The following TMEM114 variants were observed in gnomAD, a reference collection of about 807,000 sequenced individuals.
The protein encoded by TMEM114 is claudin-26.
A neutral mutation model predicts 6.2 loss-of-function variants in TMEM114; 6 were observed. The ratio of observed to expected loss-of-function variants is 0.97; its 90% CI spans 0.53 to 1.91. The LOEUF is 1.91. TMEM114 is among the 40% of genes most tolerant of loss of function. TMEM114 has a pLI of 0.01. For synonymous variants in TMEM114, 104 were observed against 73.0 expected (o/e 1.42, Z -2.16); for missense variants, 218 against 158.3 (o/e 1.38, Z -2.02).
chr16:8,572,406 ATCTCG>A, intron 2 of TMEM114, 182 bp from the exon 3 acceptor site: 1 of 682,486 alleles, frequency 1.5e-6, no homozygotes, highest in Non-Finnish European at 2.5e-6. Context: ...GTTGAGGCTC[ATCTCG>A]TGCAAGGCTG....
chr16:8,543,150 G>T (rs1462079303), intron 2 of TMEM114, among the ~76,000 whole-genome samples: 2 of 152,198 alleles, frequency 1.3e-5, no homozygotes, highest in Non-Finnish European at 2.9e-5. Flanking sequence ...TGGCCTCATA[G>T]CAAAGAAACT....
At chr16:8,540,615 A>AACAGGTGAAGTAGAAC (rs71396280) in intron 2 of TMEM114, among the ~76,000 whole-genome samples, 1 of 152,022 alleles carries the variant, frequency 6.6e-6, no homozygotes, top group African/African-American at 2.4e-5. Flanking sequence ...GGTGAAGTAG[A>AACAGGTGAAGTAGAAC]ATTCAATTCA....
chr16:8,552,177 C>G (rs1405696369), intron 2 of TMEM114, among the ~76,000 whole-genome samples: 2 of 151,566 alleles, frequency 1.3e-5, no homozygotes, highest in African/African-American at 4.9e-5. Context: ...GAATTTGAGA[C>G]CAGCCTGGGC....
intron 2 of TMEM114, among the ~76,000 whole-genome samples, chr16:8,541,003 G>A (rs927110351): frequency 6.6e-6 from 1 of 152,190 alleles, no homozygotes; most frequent in Non-Finnish European, 1.5e-5. Context: ...AGAGTTGCCA[G>A]AGAGAGACTA....
intron 2 of TMEM114, among the ~76,000 whole-genome samples, chr16:8,545,726 T>C (rs1314713291): frequency 6.6e-6 from 1 of 152,198 alleles, no homozygotes; most frequent in Non-Finnish European, 1.5e-5. Flanking sequence ...AGCTATCTTA[T>C]CTCCCTTCTC....
chr16:8,527,044 C>G, the TMEM114 span, among the ~76,000 whole-genome samples: 1 of 152,150 alleles, frequency 6.6e-6, no homozygotes, highest in Non-Finnish European at 1.5e-5. Context: ...CCCAACTCTG[C>G]TAAACATAGC....
chr16:8,530,797 A>G, the TMEM114 span, among the ~76,000 whole-genome samples: 1 of 152,046 alleles, frequency 6.6e-6, no homozygotes, highest in Admixed American at 6.6e-5. Flanking sequence ...GCCGAGTCAG[A>G]TGAATTGCTT....
At chr16:8,580,495 T>TA (rs560742507) in intron 2 of TMEM114, among the ~76,000 whole-genome samples, 2,084 of 98,164 alleles carry the variant, frequency 0.021, 47 homozygotes, top group African/African-American at 0.066. Flanking sequence ...TCAAAAGAGG[T>TA]AAAAAAAAAA....
At chr16:8,526,859 C>T in the TMEM114 span, among the ~76,000 whole-genome samples, 5 of 152,190 alleles carry the variant, frequency 3.3e-5, no homozygotes, top group Non-Finnish European at 7.3e-5. Context: ...TGGTGCTTTC[C>T]CACCAACCCA....
At chr16:8,532,541 C>G in the TMEM114 span, among the ~76,000 whole-genome samples, 4 of 152,168 alleles carry the variant, frequency 2.6e-5, no homozygotes, top group Non-Finnish European at 5.9e-5. Context: ...AAATTACATT[C>G]TAGGGGTCCA....
In TMEM114 at chr16:8,589,795, G is replaced by C. The variant is rs1185820627; in HGVS notation, c.44C>G (p.Thr15Ser). Residue 15 changes from threonine to serine, a missense_variant, in exon 1 of 4, where the codon ACC (threonine) becomes AGC (serine). Thr to Ser is a moderately conservative substitution (Grantham distance 58, BLOSUM62 1). Coordinates refer to ENST00000620492, the MANE Select transcript of TMEM114 (RefSeq NM_001146336.2). ...CAGGAGCACAAAGCTGAGCGCCCCG[G>C]TCAGCGCAGCCGCGCCGGCCAGCCC... ...LGGLAGAAAL[T>S]GALSFVLLAA... is the part of the protein sequence containing the mutation. 2.5e-6 allele frequency: 1 copy of C among 398,358 alleles called. No individual in the cohort carries two copies. Among genetic ancestry groups the C allele is most frequent in the Non-Finnish European group, 4.4e-6 (1 of 226,014 alleles). 24.7% of individuals were successfully genotyped at this position (398,358 alleles called of 1,614,324 possible). A position where few individuals can be genotyped will look rare whatever the true frequency, so the allele number is the denominator to read the frequency against.
downstream of TMEM114, among the ~76,000 whole-genome samples, chr16:8,566,661 C>G (rs374271220): frequency 1.2e-3 from 176 of 152,302 alleles, 1 homozygote; most frequent in African/African-American, 4.1e-3. Flanking sequence ...CTCCCTGCCT[C>G]TACCTTCACC....
intron 2 of TMEM114, among the ~76,000 whole-genome samples, chr16:8,560,414 G>A (rs1901161504): frequency 6.6e-6 from 1 of 152,062 alleles, no homozygotes; most frequent in African/African-American, 2.4e-5. Context: ...GATGAGCCTT[G>A]GAACTTGCCC....
downstream of TMEM114, among the ~76,000 whole-genome samples, chr16:8,567,912 C>T (rs915287328): frequency 1.3e-5 from 2 of 152,174 alleles, no homozygotes; most frequent in African/African-American, 4.8e-5. Flanking sequence ...TCCAACAGCG[C>T]TCATTTAGCC....
chr16:8,576,704 CAGGAAGGAAGGAAGGA>C (rs71396282), intron 2 of TMEM114, among the ~76,000 whole-genome samples: 16,008 of 129,358 alleles, frequency 0.12, 1,203 homozygotes, highest in African/African-American at 0.21. Context: ...TGAATGAGAG[CAGGAAGGAAGGAAGGA>C]AGGAAGGAAG....
intron 2 of TMEM114, among the ~76,000 whole-genome samples, chr16:8,553,493 C>CTT: frequency 6.6e-6 from 1 of 150,632 alleles, no homozygotes; most frequent in African/African-American, 2.4e-5. Context: ...GCTTTTCTTT[C>CTT]TTTTTTTTTT....
intron 2 of TMEM114, among the ~76,000 whole-genome samples, chr16:8,559,862 G>T (rs1596476267): frequency 6.6e-6 from 1 of 152,302 alleles, no homozygotes; most frequent in South Asian, 2.1e-4. Flanking sequence ...TCCCCATGGG[G>T]CTCTTTAGAC....
At chr16:8,528,614 A>G in the TMEM114 span, among the ~76,000 whole-genome samples, 2 of 152,228 alleles carry the variant, frequency 1.3e-5, no homozygotes, top group Non-Finnish European at 2.9e-5. Context: ...CTCTGTTAAC[A>G]TAATGAGGGG....
downstream of TMEM114, among the ~76,000 whole-genome samples, chr16:8,568,715 C>G (rs965311378): frequency 6.6e-6 from 1 of 152,196 alleles, no homozygotes; most frequent in Admixed American, 6.5e-5. Flanking sequence ...TCCCCTACAT[C>G]TCATGACTTG....
Sources: allele counts gnomAD v4.1 joint callset (sites outside exome capture counted in the v4.1 genomes callset), GRCh38; gene constraint gnomAD v4.1.1; transcripts MANE v1.5; gene names NCBI Gene and HGNC (gene_info 2026-07-23, HGNC 2026-07-21).